PLEC: variants seen among roughly 807,000 people sequenced by gnomAD.
PLEC encodes plectin.
PLEC carries 216 observed loss-of-function variants against 392.8 expected under a neutral mutation model. The observed-to-expected ratio is 0.55, with a 90% confidence interval of 0.49 to 0.62. The LOEUF is 0.62. Among genes scored for constraint, PLEC ranks in the 20% least tolerant of loss-of-function variants. The probability of loss-of-function intolerance (pLI) is 0.00; values close to 1 mark genes in which losing one functional copy is unlikely to be tolerated. For missense variants in PLEC, 6,863 were observed against 6,563.4 expected, an observed-to-expected ratio of 1.05 and a Z score of -1.58; for synonymous variants, 3,621 against 2,980.6, an observed-to-expected ratio of 1.21 and a Z score of -7.00.
At chr8:143,935,424 CAACA>C in intron 6 of PLEC, 111 bp from the exon 7 acceptor site, 1 of 766,996 alleles carries the variant, frequency 1.3e-6, no homozygotes, top group East Asian at 2.6e-5. Context: ...TGGACCCCCC[CAACA>C]CTCACCCTGA....
chr8:143,925,363 C>T lies in PLEC; in HGVS notation c.4566G>A (p.Lys1522=), dbSNP rs782336200. 10 of 1,558,596 alleles carry T rather than the reference C, an allele frequency of 6.4e-6. No homozygotes were observed. Among genetic ancestry groups the T allele is most frequent in the Middle Eastern group, 1.9e-4 (1 of 5,320 alleles). Residue 1522 remains lysine (K), a synonymous_variant, in exon 31 of 32, where the codon AAG becomes AAA. Coordinates refer to ENST00000345136, the MANE Select transcript of PLEC (RefSeq NM_201384.3). ...QAEVELASRV[K]AEAEAAREKQ... ...TCTCGCGCGCCGCCTCGGCCTCGGC[C>T]TTCACGCGCGAGGCCAGCTCCACCT...
In PLEC at chr8:143,919,926, G is replaced by A. The variant is rs142805337; in HGVS notation, c.9895C>T (p.Arg3299Trp). ...CCGCTGAAGGACAGCCTCTCCTGCC[G>A]CAGGGTCTCCACCTCCTCCACGATG... ...ITIVEEVETL[R>W]QERLSFSGLR... The change falls in exon 32 of 32, where the codon CGG becomes TGG. Residue 3299 changes from arginine (R) to tryptophan (W), a missense_variant. By Grantham distance (101) the Arg-to-Trp change is moderately radical. Transcript: ENST00000345136. 1,096 of 1,613,322 alleles carry A rather than the reference G, an allele frequency of 6.8e-4. 4 individuals are homozygous for A. The African/African-American group carries it at 0.011, about 16-fold the overall frequency.
At chr8:143,952,988 G>A (rs1453331086), upstream of PLEC, among the ~76,000 whole-genome samples, 19 of 84,506 alleles carry the variant, frequency 2.2e-4, no homozygotes, top group African/African-American at 7.3e-4. Context: ...TGCGGCATGC[G>A]CCACCCCCCC....
At chr8:143,949,506 C>G (rs914176957) in intron 1 of PLEC, among the ~76,000 whole-genome samples, 2 of 152,190 alleles carry the variant, frequency 1.3e-5, no homozygotes, top group Non-Finnish European at 2.9e-5. Context: ...AGGACCCGTC[C>G]TGTCCTGTGC....
Position 143,918,711 on chromosome 8 carries a change from G to T in PLEC, c.11110C>A (p.Leu3704Met). ...TTCTTGAGAGCCTGGTAGATGCTCA[G>T]TGTCTGCCTGGAACCGGGCAGGTAG... ...GVYLPGSRQT[L>M]SIYQALKKGL... Residue 3704 changes from leucine (L) to methionine (M), a missense_variant, in exon 32 of 32, where the codon CTG becomes ATG. Leu to Met is a conservative substitution (Grantham distance 15). Coordinates refer to ENST00000345136, the MANE Select transcript of PLEC (RefSeq NM_201384.3). 6.2e-7 allele frequency: 1 copy of T among 1,613,018 alleles called. No homozygotes were observed. The highest frequency in any genetic ancestry group is 8.5e-7 in the Non-Finnish European group (1 of 1,180,000).
chr8:143,965,424 C>T (rs775616751), intron 1 of PLEC, among the ~76,000 whole-genome samples: 3 of 152,148 alleles, frequency 2.0e-5, no homozygotes, highest in Non-Finnish European at 4.4e-5. Context: ...TCCCAACTCC[C>T]CTTCCACTGG....
intron 1 of PLEC, among the ~76,000 whole-genome samples, chr8:143,966,992 C>A (rs1480843579): frequency 1.3e-5 from 2 of 152,122 alleles, no homozygotes; most frequent in African/African-American, 4.8e-5. Flanking sequence ...TAAAAGAAGG[C>A]CATTTTAAGC....
rs782543357 is a variant in PLEC at position 143,934,842 on chromosome 8, G to T, written c.913C>A (p.Arg305Ser). The T allele has an allele frequency of 6.2e-7, 1 of 1,611,532 alleles. No homozygotes were observed. The highest frequency in any genetic ancestry group is 1.3e-5 in the African/African-American group (1 of 75,050). ...MRHHTAAFEE[R>S]RFPSSFEEIE... The stretch of plus-strand genomic sequence containing the variant: ...TCCTCGAAGCTGGAGGGGAACCTGC[G>T]TTCCTCAAAGGCGGCCGTGTGGTGT... Residue 305 changes from arginine to serine, a missense_variant, in exon 9 of 32, where the codon CGC becomes AGC. Arg to Ser is a moderately radical substitution (Grantham distance 110). Transcript: ENST00000345136.
At chr8:143,946,159 C>G (rs745666635) in intron 1 of PLEC, among the ~76,000 whole-genome samples, 25 of 152,182 alleles carry the variant, frequency 1.6e-4, no homozygotes, top group Non-Finnish European at 3.1e-4. Context: ...CCACGGAGGT[C>G]CGGACAGGCC....
rs1564068806 is a variant in PLEC at position 143,925,854 on chromosome 8, GCTC to G, written c.4072_4074del (p.Glu1358del). On this transcript the variant is annotated inframe_deletion, in exon 31 of 32. Transcript: ENST00000345136. The stretch of plus-strand genomic sequence containing the variant: ...GCCTCCACCTCGGCCAGCCGCTCGC[GCTC>G]CTCTGCCCGCTGCTGCTCAGCCAGC... The G allele has an allele frequency of 1.3e-6, 2 of 1,549,214 alleles. No homozygotes were observed. Among genetic ancestry groups the G allele is most frequent in the South Asian group, 2.3e-5 (2 of 85,888 alleles).
intron 24 of PLEC, 34 bp from the exon 25 acceptor site, chr8:143,929,315 C>A (rs1231330274): frequency 3.1e-6 from 5 of 1,595,246 alleles, no homozygotes. Context: ...GCACTCATCA[C>A]CGAGCGCAGC....
chr8:143,950,123 G>T, intron 1 of PLEC: 2 of 1,455,056 alleles, frequency 1.4e-6, no homozygotes, highest in South Asian at 1.4e-5. Flanking sequence ...CCAGGCCCAA[G>T]ACCCGACAAC....
At chr8:143,938,278 A>G (rs762933490) in intron 2 of PLEC, 38 bp from the exon 3 acceptor site, 62 of 1,555,396 alleles carry the variant, frequency 4.0e-5, no homozygotes, top group Non-Finnish European at 2.8e-5. Flanking sequence ...CCAGTCCCCC[A>G]GAGCCACCAA....
At position 143,923,547 on chromosome 8, in the gene PLEC, G is replaced by A. The variant is rs371501177; in HGVS notation, c.6382C>T (p.Arg2128Trp). ...KQSAEEQAQARAQAQAAAEKL... is the reference protein window; with the variant it reads ...KQSAEEQAQAWAQAQAAAEKL... ...TCTGCAGCCGCCTGTGCCTGAGCCCGGGCCTGTGCCTGCTCCTCTGCCGAC... is the reference window on the plus strand; with the variant it reads ...TCTGCAGCCGCCTGTGCCTGAGCCCAGGCCTGTGCCTGCTCCTCTGCCGAC... The change falls in exon 31 of 32, where the codon CGG (arginine) becomes TGG (tryptophan). Residue 2128 changes from arginine to tryptophan, a missense_variant. Physicochemically the swap from Arg to Trp is moderately radical, Grantham distance 101 (BLOSUM62 -3). Coordinates refer to ENST00000345136, the MANE Select transcript of PLEC (RefSeq NM_201384.3). 2.3e-5 allele frequency: 37 copies of A among 1,598,264 alleles called. No homozygotes were observed. The highest frequency in any genetic ancestry group is 5.4e-5 in the African/African-American group (4 of 74,682).
rs1831860891 is a variant in PLEC at position 143,949,366 on chromosome 8, G to A, written c.523+818C>T. ...CACGGAGGGCAGAGTGCTCCACAGT[G>A]TGTGTGTGAGCCTCGGGCTGCAGGG... On this transcript the variant is annotated intron_variant, in intron 1 of 31. Transcript: ENST00000322810. 2.0e-5 allele frequency among the ~76,000 whole-genome samples: 3 copies of A among 152,342 alleles called. No individual in the cohort carries two copies. The South Asian group carries it at 6.2e-4, about 32-fold the overall frequency.
At chr8:143,950,424 C>T (rs372444502) in exon 1 of PLEC, 110 of 1,601,764 alleles carry the variant, frequency 6.9e-5, no homozygotes, top group Admixed American at 4.0e-4. Flanking sequence ...TGCAGAGAGG[C>T]GGGCACGATC....
chr8:143,934,251 G>T, intron 11 of PLEC, 67 bp downstream of exon 11: 1 of 1,604,924 alleles, frequency 6.2e-7, no homozygotes, highest in Non-Finnish European at 8.5e-7. Context: ...GGCGGGGAGG[G>T]GGGTTTCCTT....
chr8:143,973,402 C>G lies in PLEC; in HGVS notation c.70+1G>C. On this transcript the variant is annotated splice_donor_variant, in intron 1 of 31. Coordinates refer to the PLEC transcript ENST00000356346. LOFTEE classifies it high-confidence loss of function. This position sits in a 1 kb window ranked among gnomAD's most constrained non-coding sequence, Gnocchi z 5.6. The stretch of plus-strand genomic sequence containing the variant: ...ACAGGCAGCGGGACGGGGGGCCGTA[C>G]CTTTGTACTTCTCGCGCACCTCCTC... The G allele has an allele frequency of 6.4e-7, 1 of 1,558,334 alleles. No homozygotes were observed. Among genetic ancestry groups the G allele is most frequent in the Non-Finnish European group, 8.7e-7 (1 of 1,152,452 alleles).
rs1333483298 is a variant in PLEC at position 143,929,402 on chromosome 8, G to GA, written c.3081+11dup. On this transcript the variant is annotated intron_variant, in intron 24 of 31. Coordinates refer to ENST00000345136, the MANE Select transcript of PLEC (RefSeq NM_201384.3). ...AGAGGGATGGGACTGGATGGGGGGG[G>GA]ACGGCCCCTGCCTGCTGCTCGGCGA... 8.3e-6 allele frequency: 13 copies of GA among 1,559,748 alleles called. No homozygotes were observed. The highest frequency in any genetic ancestry group is 1.1e-5 in the Non-Finnish European group (13 of 1,155,268).
Sources: gnomAD v4.1 joint callset for allele counts (sites outside exome capture counted in the v4.1 genomes callset) on GRCh38, gnomAD v4.1.1 for gene constraint, Gnocchi (gnomAD v3.1) non-coding constraint, MANE v1.5 for transcripts, NCBI Gene and HGNC (gene_info 2026-07-23, HGNC 2026-07-21) for gene names.